PTPRD: variants seen among roughly 807,000 people sequenced by gnomAD.
PTPRD encodes protein tyrosine phosphatase receptor type D.
In PTPRD, 34 loss-of-function variants were observed where a neutral mutation model predicts 214.5. The ratio of observed to expected loss-of-function variants is 0.16; its 90% confidence interval spans 0.12 to 0.21. PTPRD has a LOEUF of 0.21. Ranked by LOEUF, PTPRD falls within the 10% of genes least tolerant of loss-of-function variation. The probability of loss-of-function intolerance (pLI) is 1.00; values close to 1 mark genes in which losing one functional copy is unlikely to be tolerated. For missense variants in PTPRD, 2,545 were observed against 2,398.7 expected (o/e 1.06, Z -1.27); for synonymous variants, 1,128 against 845.7 (o/e 1.33, Z -5.79).
At chr9:10,060,509 G>T (rs951386888) in intron 3 of PTPRD, among the ~76,000 whole-genome samples, 1 of 151,880 alleles carries the variant, frequency 6.6e-6, no homozygotes, top group African/African-American at 2.4e-5. Context: ...AATTTCATTT[G>T]TCCACTAGAG....
intron 8 of PTPRD, among the ~76,000 whole-genome samples, chr9:9,494,440 C>T (rs573385272): frequency 6.6e-6 from 1 of 152,230 alleles, no homozygotes; most frequent in East Asian, 1.9e-4. Context: ...TTGCCACAAC[C>T]ACCCCAACCT....
At chr9:8,453,832 A>G (rs2096066533) in intron 33 of PTPRD, among the ~76,000 whole-genome samples, 1 of 152,170 alleles carries the variant, frequency 6.6e-6, no homozygotes, top group Non-Finnish European at 1.5e-5. Flanking sequence ...TGCTGACGCT[A>G]TGGCTGCTGG....
At position 9,958,902 on chromosome 9, in the gene PTPRD, G is replaced by A. The variant is rs1020378972; in HGVS notation, c.-471-20292C>T. Among the ~76,000 whole-genome samples the A allele has an allele frequency of 5.9e-5, 9 of 152,158 alleles. No individual in the cohort carries two copies. The East Asian group carries it at 1.5e-3, about 26-fold the overall frequency. ...CTAGTGAGAATGTAGGGCAATAGGTGGGAATACAAAATGGTACAGCCATTT... is the reference window on the plus strand; with the variant it reads ...CTAGTGAGAATGTAGGGCAATAGGTAGGAATACAAAATGGTACAGCCATTT... On this transcript the variant is annotated intron_variant, in intron 4 of 45. Transcript: ENST00000381196.
intron 10 of PTPRD, among the ~76,000 whole-genome samples, chr9:9,179,692 G>A (rs1039172266): frequency 1.3e-5 from 2 of 152,074 alleles, no homozygotes; most frequent in East Asian, 1.9e-4. Flanking sequence ...GGAACTGGCA[G>A]GATAATGGAA....
chr9:8,748,695 T>C (rs2093168857), intron 11 of PTPRD, among the ~76,000 whole-genome samples: 1 of 152,164 alleles, frequency 6.6e-6, no homozygotes, highest in African/African-American at 2.4e-5. Context: ...ACGGATCACC[T>C]GACGTCAGGA....
At chr9:9,175,814 C>A (rs948201246) in intron 10 of PTPRD, among the ~76,000 whole-genome samples, 1 of 151,956 alleles carries the variant, frequency 6.6e-6, no homozygotes, top group African/African-American at 2.4e-5. Flanking sequence ...AGGATCACAT[C>A]ATTGAGTATT....
chr9:9,441,629 C>T (rs1229396038), intron 8 of PTPRD, among the ~76,000 whole-genome samples: 2 of 152,008 alleles, frequency 1.3e-5, no homozygotes, highest in South Asian at 2.1e-4. Flanking sequence ...ATCTGCCAGG[C>T]TATCAATATA....
rs182487899 is a variant in PTPRD, at chr9:8,473,479, T to C, written c.3414-2394A>G. ...GTACAAAATCACACTGCAGATGTGC[T>C]TGATAAACACACTTGTCAAGGAACC... On this transcript the variant is annotated intron_variant, in intron 30 of 45. Transcript: ENST00000381196. Among the ~76,000 whole-genome samples, 132 of 152,312 alleles carry C rather than the reference T, an allele frequency of 8.7e-4. 1 individual carries two copies. The highest frequency in any genetic ancestry group is 3.5e-3 in the Admixed American group (54 of 15,298).
chr9:8,978,752 T>C (rs2099285089), intron 11 of PTPRD, among the ~76,000 whole-genome samples: 1 of 152,042 alleles, frequency 6.6e-6, no homozygotes, highest in Non-Finnish European at 1.5e-5. Context: ...ATGGAGGAAA[T>C]AGTAGTTGCC....
At chr9:9,719,908 G>A (rs1215400872) in intron 7 of PTPRD, among the ~76,000 whole-genome samples, 1 of 152,156 alleles carries the variant, frequency 6.6e-6, no homozygotes, top group Non-Finnish European at 1.5e-5. Flanking sequence ...AGTGCGTGGA[G>A]CTGCCAGCGC....
chr9:10,419,967 T>C (rs1445088914), intron 2 of PTPRD, among the ~76,000 whole-genome samples: 2 of 151,806 alleles, frequency 1.3e-5, no homozygotes, highest in Non-Finnish European at 2.9e-5. Context: ...TTACTAGGCA[T>C]AGATAATCAG....
chr9:9,609,592 A>T (rs1166756840), intron 7 of PTPRD, among the ~76,000 whole-genome samples: 2 of 152,142 alleles, frequency 1.3e-5, no homozygotes, highest in Non-Finnish European at 2.9e-5. Context: ...CCTCCCGAGT[A>T]GCTGGGATTA....
intron 10 of PTPRD, among the ~76,000 whole-genome samples, chr9:9,030,363 T>C (rs565866631): frequency 3.7e-4 from 55 of 147,148 alleles, no homozygotes; most frequent in Non-Finnish European, 7.2e-4. Context: ...TCAAATAAAC[T>C]TTCTTCTGAA....
At chr9:10,169,662 G>A (rs1463628233) in intron 3 of PTPRD, among the ~76,000 whole-genome samples, 1 of 152,024 alleles carries the variant, frequency 6.6e-6, no homozygotes, top group Non-Finnish European at 1.5e-5. Context: ...CTTGAGTGTG[G>A]CTTTTTGACC....
At chr9:9,642,600 G>C (rs141558305) in intron 7 of PTPRD, among the ~76,000 whole-genome samples, 3 of 152,034 alleles carry the variant, frequency 2.0e-5, no homozygotes, top group African/African-American at 7.2e-5. Context: ...AATTCATCTT[G>C]ATTTTGTTAT....
At chr9:9,175,948 T>C (rs1350210216) in intron 10 of PTPRD, among the ~76,000 whole-genome samples, 1 of 152,174 alleles carries the variant, frequency 6.6e-6, no homozygotes, top group Non-Finnish European at 1.5e-5. Context: ...CAAAGTCTTT[T>C]ATATATCACT....
chr9:8,896,341 T>C (rs1265333323), intron 11 of PTPRD, among the ~76,000 whole-genome samples: 1 of 152,186 alleles, frequency 6.6e-6, no homozygotes, highest in African/African-American at 2.4e-5. Context: ...TAGCTTCTAA[T>C]AACATTAAGC....
At chr9:9,587,261 G>T (rs149281906) in intron 7 of PTPRD, among the ~76,000 whole-genome samples, 85 of 152,034 alleles carry the variant, frequency 5.6e-4, no homozygotes, top group African/African-American at 1.9e-3. Flanking sequence ...TAATAGTAAT[G>T]ATATAAGCAA....
chr9:9,563,667 G>T (rs1409135947), intron 8 of PTPRD, among the ~76,000 whole-genome samples: 1 of 152,104 alleles, frequency 6.6e-6, no homozygotes, highest in Non-Finnish European at 1.5e-5. Context: ...TATGTTATAT[G>T]AAAATCATTC....
Sources: gnomAD v4.1 joint callset for allele counts (sites outside exome capture counted in the v4.1 genomes callset) on GRCh38, gnomAD v4.1.1 for gene constraint, MANE v1.5 for transcripts, NCBI Gene and HGNC (gene_info 2026-07-23, HGNC 2026-07-21) for gene names.